Variants in CRYBG1 observed in about 807,000 individuals in gnomAD.
CRYBG1 encodes the protein crystallin beta-gamma domain containing 1.
A neutral mutation model predicts 189.2 loss-of-function variants in CRYBG1; 139 were observed. The ratio of observed to expected loss-of-function variants is 0.73; its 90% CI spans 0.64 to 0.85. The LOEUF (loss-of-function observed/expected upper bound fraction) is 0.85, where lower values mean the gene tolerates loss of function less well. CRYBG1 is among the 40% of genes least tolerant of loss of function. The pLI is 0.00. For missense variants in CRYBG1, 2,611 were observed against 2,675.8 expected (o/e 0.98, Z 0.53); for synonymous variants, 1,023 against 1,017.1 (o/e 1.01, Z -0.11).
At chr6:106,447,653 A>G (rs964425748) in intron 1 of CRYBG1, among the ~76,000 whole-genome samples, 7 of 151,910 alleles carry the variant, frequency 4.6e-5, no homozygotes, top group Admixed American at 1.3e-4. Flanking sequence ...AAACTTTCCA[A>G]TTGGTCTTTC....
intron 2 of CRYBG1, among the ~76,000 whole-genome samples, chr6:106,462,320 G>A (rs937178147): frequency 3.9e-5 from 6 of 152,110 alleles, no homozygotes; most frequent in Non-Finnish European, 7.4e-5. Flanking sequence ...ACAGGCGCCC[G>A]CCACCATGCC....
In CRYBG1 at chr6:106,473,348, A is replaced by G. The variant is rs73761812; in HGVS notation, c.312+21516A>G. Reference sequence around the variant, plus strand: ...CAACTCTTTCATCCCACATCACTCCATAATTGGATTAAAAGCCAGTTCTAG... The same window carrying G: ...CAACTCTTTCATCCCACATCACTCCGTAATTGGATTAAAAGCCAGTTCTAG... On this transcript the variant is annotated intron_variant, in intron 2 of 21. Coordinates refer to ENST00000633556, the MANE Select transcript of CRYBG1 (RefSeq NM_001371242.2). 9.2e-3 allele frequency among the ~76,000 whole-genome samples: 1,403 copies of G among 152,316 alleles called. 22 individuals carry two copies. Among genetic ancestry groups the G allele is most frequent in the African/African-American group, 0.033 (1,351 of 41,562 alleles).
chr6:106,561,364 G>A lies in CRYBG1; in HGVS notation c.6002G>A (p.Arg2001Gln), dbSNP rs146766087. 351 of 1,613,806 alleles carry A rather than the reference G, an allele frequency of 2.2e-4. 2 individuals carry two copies. In the African/African-American group the frequency reaches 3.6e-3, roughly 16 times the overall value. The change falls in exon 20 of 22, where the codon CGA (arginine) becomes CAA (glutamine). Residue 2001 changes from arginine (R) to glutamine (Q), a missense_variant. This residue lies in a region of CRYBG1 where 1,622 missense variants were observed against 1,735.0 expected (regional missense o/e 0.93). Transcript: ENST00000633556. ...FVQKRIYFRL[R>Q]NKATGLFMST... ...TAGAAGCGAATTTATTTCAGACTTC[G>A]AAACAAAGCAACAGGGTTATTCATG... is the stretch of plus-strand genomic sequence containing the variant.
At chr6:106,502,355 G>A (rs6912894) in intron 2 of CRYBG1, among the ~76,000 whole-genome samples, 116,817 of 152,180 alleles carry the variant, frequency 0.77, 45,745 homozygotes, top group African/African-American at 0.93. Context: ...AAAAGGAACT[G>A]ATTTGATGAC....
At position 106,412,941 on chromosome 6, in the gene CRYBG1, T is replaced by C. The variant is rs540452477; in HGVS notation, c.174-38753T>C. ...CAGTACAGAAATCCAAGACAAATTC[T>C]TTAAAAAAAAAAAAAAAAAAAAGAG... On this transcript the variant is annotated intron_variant, in intron 1 of 21. Transcript: ENST00000633556. Among the ~76,000 whole-genome samples, 7 of 138,988 alleles carry C rather than the reference T, an allele frequency of 5.0e-5. No homozygotes were observed. The Admixed American group carries it at 5.3e-4, about 11-fold the overall frequency. 91.2% of individuals were successfully genotyped at this position (138,988 alleles called of 152,430 possible).
chr6:106,508,832 G>C (rs1387506920), intron 2 of CRYBG1, among the ~76,000 whole-genome samples: 2 of 151,902 alleles, frequency 1.3e-5, no homozygotes, highest in Admixed American at 1.3e-4. Flanking sequence ...TGATAAACAG[G>C]CTGCCCCTCT....
Position 106,572,010 on chromosome 6 carries a change from T to C in CRYBG1, c.*3444T>C. On this transcript the variant is annotated 3_prime_UTR_variant, in exon 22 of 22. Transcript: ENST00000633556. Reference sequence around the variant, plus strand: ...TGCATTTTTATTTAAACAACATTAATTACAGTCTTTCCTCGTGCGTGTCCT... The same window carrying C: ...TGCATTTTTATTTAAACAACATTAACTACAGTCTTTCCTCGTGCGTGTCCT... 2 of 1,611,378 alleles carry C rather than the reference T, an allele frequency of 1.2e-6. No homozygotes were observed. The highest frequency in any genetic ancestry group is 1.7e-6 in the Non-Finnish European group (2 of 1,177,674).
chr6:106,490,029 C>T (rs7751527), intron 2 of CRYBG1, among the ~76,000 whole-genome samples: 41,918 of 152,104 alleles, frequency 0.28, 7,494 homozygotes, highest in African/African-American at 0.51. Flanking sequence ...TTGTCTTCTA[C>T]GGAGAGACTC....
intron 3 of CRYBG1, among the ~76,000 whole-genome samples, chr6:106,518,152 A>G (rs1385452846): frequency 6.8e-6 from 1 of 146,880 alleles, no homozygotes; most frequent in Non-Finnish European, 1.5e-5. Context: ...AATAATCTCA[A>G]TTCTATTCAA....
intron 2 of CRYBG1, among the ~76,000 whole-genome samples, chr6:106,485,000 G>T (rs533903915): frequency 6.6e-6 from 1 of 152,114 alleles, no homozygotes; most frequent in South Asian, 2.1e-4. Flanking sequence ...AAAAAAAAAG[G>T]TGGGGGGGAT....
intron 1 of CRYBG1, among the ~76,000 whole-genome samples, chr6:106,407,747 C>T (rs141866557): frequency 2.6e-5 from 4 of 152,200 alleles, no homozygotes; most frequent in African/African-American, 9.6e-5. Context: ...CTACATGGAA[C>T]CTGAACAACC....
intron 1 of CRYBG1, among the ~76,000 whole-genome samples, chr6:106,449,830 A>G (rs967435235): frequency 6.6e-6 from 1 of 152,246 alleles, no homozygotes; most frequent in Non-Finnish European, 1.5e-5. Context: ...CACAAGTATT[A>G]CTTTCATAGT....
chr6:106,433,970 G>A (rs1257659209), intron 1 of CRYBG1, among the ~76,000 whole-genome samples: 1 of 151,764 alleles, frequency 6.6e-6, no homozygotes, highest in Non-Finnish European at 1.5e-5. Flanking sequence ...TAGCTGATTG[G>A]TTGCAGCTCA....
At chr6:106,468,946 A>G (rs1222858185) in intron 2 of CRYBG1, among the ~76,000 whole-genome samples, 2 of 152,156 alleles carry the variant, frequency 1.3e-5, no homozygotes, top group African/African-American at 2.4e-5. Flanking sequence ...ATCTTTTTAC[A>G]GGATGAATCA....
intron 18 of CRYBG1, among the ~76,000 whole-genome samples, chr6:106,560,280 G>A (rs910726595): frequency 1.3e-5 from 2 of 152,248 alleles, no homozygotes; most frequent in Admixed American, 1.3e-4. Flanking sequence ...GCGCTGGGCT[G>A]CTTCCACGCC....
chr6:106,485,224 T>G (rs544530149), intron 2 of CRYBG1, among the ~76,000 whole-genome samples: 2 of 152,314 alleles, frequency 1.3e-5, no homozygotes, highest in South Asian at 4.1e-4. Flanking sequence ...TTGGTTAAAT[T>G]TATTCCTAGA....
At chr6:106,366,271 G>T (rs1342080619) in intron 1 of CRYBG1, among the ~76,000 whole-genome samples, 3 of 152,118 alleles carry the variant, frequency 2.0e-5, no homozygotes, top group Non-Finnish European at 4.4e-5. Flanking sequence ...TGTAATGTTA[G>T]ATTTAAACTG....
intron 1 of CRYBG1, among the ~76,000 whole-genome samples, chr6:106,397,753 G>A (rs1166383510): frequency 2.0e-5 from 3 of 152,292 alleles, no homozygotes; most frequent in Admixed American, 1.3e-4. Flanking sequence ...CATTTGGAAT[G>A]TTTCTAACAA....
chr6:106,553,275 A>G (rs912090097), intron 15 of CRYBG1, among the ~76,000 whole-genome samples, 180 bp from the exon 16 acceptor site: 31 of 152,234 alleles, frequency 2.0e-4, no homozygotes, highest in Admixed American at 2.0e-3. Flanking sequence ...CGAATGGCGC[A>G]GCTAACATGT....
Sources: allele counts gnomAD v4.1 joint callset (sites outside exome capture counted in the v4.1 genomes callset), GRCh38; gene constraint gnomAD v4.1.1; regional missense constraint gnomAD v4.1.1; transcripts MANE v1.5; gene names NCBI Gene and HGNC (gene_info 2026-07-23, HGNC 2026-07-21).